PCDHGB5: variants seen among roughly 807,000 people sequenced by gnomAD.
The protein encoded by PCDHGB5 is protocadherin gamma-B5.
Under a neutral mutation model 62.9 loss-of-function variants are expected in PCDHGB5, and 48 were observed. The ratio of observed to expected loss-of-function variants is 0.76; its 90% CI spans 0.61 to 0.97. The LOEUF (loss-of-function observed/expected upper bound fraction) is 0.97. Among genes scored for constraint, PCDHGB5 ranks in the 50% least tolerant of loss-of-function variants. The pLI is 0.00. For missense variants in PCDHGB5, 1,118 were observed against 1,198.6 expected (o/e 0.93, Z 0.99); for synonymous variants, 474 against 511.2 (o/e 0.93, Z 0.98).
chr5:141,456,973 A>G (rs1276476368), intron 1 of PCDHGB5, among the ~76,000 whole-genome samples: 2 of 147,412 alleles, frequency 1.4e-5, no homozygotes, highest in Admixed American at 6.7e-5. Flanking sequence ...AAAACAAAAC[A>G]AACAAACAAA....
chr5:141,443,999 T>C (rs2098413024), intron 1 of PCDHGB5, among the ~76,000 whole-genome samples: 1 of 152,136 alleles, frequency 6.6e-6, no homozygotes, highest in Non-Finnish European at 1.5e-5. Context: ...TTTTAAATGC[T>C]ACCTGGGTAT....
chr5:141,468,832 C>G (rs530307522), intron 1 of PCDHGB5, among the ~76,000 whole-genome samples: 1 of 152,164 alleles, frequency 6.6e-6, no homozygotes, highest in South Asian at 2.1e-4. Flanking sequence ...AGCCACTGCA[C>G]TCCAGCCTGG....
intron 1 of PCDHGB5, among the ~76,000 whole-genome samples, chr5:141,402,590 A>G (rs1379327637): frequency 6.6e-6 from 1 of 152,238 alleles, no homozygotes; most frequent in Admixed American, 6.5e-5. Flanking sequence ...TAAAAAATAG[A>G]TTGCTTTTGA....
chr5:141,461,902 C>A (rs1477274695), intron 1 of PCDHGB5, among the ~76,000 whole-genome samples: 1 of 152,116 alleles, frequency 6.6e-6, no homozygotes, highest in African/African-American at 2.4e-5. Flanking sequence ...CGGCTCACTG[C>A]AACCTCTGCC....
At chr5:141,480,591 T>G (rs557048485) in intron 1 of PCDHGB5, among the ~76,000 whole-genome samples, 1 of 138,080 alleles carries the variant, frequency 7.2e-6, no homozygotes, top group South Asian at 2.2e-4. Flanking sequence ...GCCGCTCTTC[T>G]GGTCAGCCTG....
chr5:141,419,137 C>G, intron 1 of PCDHGB5: 2 of 1,613,892 alleles, frequency 1.2e-6, no homozygotes, highest in Non-Finnish European at 1.7e-6. Context: ...CAGCCACAGA[C>G]AGGGGCAAGC....
rs1332743231 is a variant in PCDHGB5 at position 141,432,967 on chromosome 5, G to A, written c.2397+32443G>A. 4 of 1,614,192 alleles carry A rather than the reference G, an allele frequency of 2.5e-6. No homozygotes were observed. In the East Asian group the frequency reaches 6.7e-5, roughly 27 times the overall value. On this transcript the variant is annotated intron_variant, in intron 1 of 3. Coordinates refer to ENST00000617380, the MANE Select transcript of PCDHGB5 (RefSeq NM_018925.3). The surrounding 1 kb of genome is among the most constrained non-coding windows in gnomAD (Gnocchi z 6.0). The stretch of plus-strand genomic sequence containing the variant: ...CAGGAGGCGGCTTGACAGGAGCGCC[G>A]GCGTCGCACTTTGTGGGCGTGGACG...
chr5:141,486,089 G>T lies in PCDHGB5; in HGVS notation c.2398-8718G>T, dbSNP rs2099624123. On this transcript the variant is annotated intron_variant, in intron 1 of 3. Coordinates refer to ENST00000617380, the MANE Select transcript of PCDHGB5 (RefSeq NM_018925.3). The surrounding 1 kb of genome is among the most constrained non-coding windows in gnomAD (Gnocchi z 5.0). ...CACTACTGGAAAGCTTACTCTTTTG[G>T]GGCCCCTAGACTTTGAGAGTGAGAA... is the stretch of plus-strand genomic sequence containing the variant. 1 of 1,614,084 alleles carries T rather than the reference G, an allele frequency of 6.2e-7. No individual in the cohort carries two copies. The highest frequency in any genetic ancestry group is 8.5e-7 in the Non-Finnish European group (1 of 1,180,014).
chr5:141,424,061 CTGATT>C, intron 1 of PCDHGB5: 1 of 1,003,194 alleles, frequency 1.0e-6, no homozygotes, highest in Non-Finnish European at 1.2e-6. Flanking sequence ...TGTGCCTTCA[CTGATT>C]TGTAGTTATA....
At chr5:141,433,195 T>C (rs765385329) in intron 1 of PCDHGB5, 8 of 1,582,476 alleles carry the variant, frequency 5.1e-6, no homozygotes, top group Non-Finnish European at 6.9e-6. Flanking sequence ...TGAGTTTATA[T>C]CAAATCTTCT....
chr5:141,408,510 A>G (rs1298660421), intron 1 of PCDHGB5: 21 of 1,613,870 alleles, frequency 1.3e-5, no homozygotes, highest in Non-Finnish European at 1.8e-5. Context: ...AGAAGATGTG[A>G]GTTGCAATTG....
At position 141,431,965 on chromosome 5, in the gene PCDHGB5, T is replaced by G. The variant is rs765281339; in HGVS notation, c.2397+31441T>G. ...TAGAAAAATCTTACGGAAATTACTATAGTTTAGTCACAGACATAGTCTTGG... is the reference window on the plus strand; with the variant it reads ...TAGAAAAATCTTACGGAAATTACTAGAGTTTAGTCACAGACATAGTCTTGG... On this transcript the variant is annotated intron_variant, in intron 1 of 3. Coordinates refer to ENST00000617380, the MANE Select transcript of PCDHGB5 (RefSeq NM_018925.3). This position sits in a 1 kb window ranked among gnomAD's most constrained non-coding sequence, Gnocchi z 4.8. The G allele has an allele frequency of 1.2e-6, 2 of 1,614,216 alleles. No individual in the cohort carries two copies. Among genetic ancestry groups the G allele is most frequent in the East Asian group, 4.5e-5 (2 of 44,892 alleles).
Position 141,490,920 on chromosome 5 carries a change from T to A in PCDHGB5, c.2398-3887T>A. 1.2e-6 allele frequency: 2 copies of A among 1,613,638 alleles called. No homozygotes were observed. The highest frequency in any genetic ancestry group is 1.7e-6 in the Non-Finnish European group (2 of 1,179,684). The stretch of plus-strand genomic sequence containing the variant: ...TGTTTGTCCTAGACGAGAATGATAA[T>A]GCCCCAGCTGTGCTGCACCCACGGC... On this transcript the variant is annotated intron_variant, in intron 1 of 3. Coordinates refer to ENST00000617380, the MANE Select transcript of PCDHGB5 (RefSeq NM_018925.3). This position sits in a 1 kb window ranked among gnomAD's most constrained non-coding sequence, Gnocchi z 5.4.
intron 1 of PCDHGB5, chr5:141,404,948 G>A (rs756928954): frequency 3.1e-6 from 5 of 1,613,838 alleles, no homozygotes; most frequent in African/African-American, 1.3e-5. Flanking sequence ...AGCCATAGCT[G>A]ACAGCATCCC....
chr5:141,491,441 A>G lies in PCDHGB5; in HGVS notation c.2398-3366A>G, dbSNP rs776616506. 1.2e-6 allele frequency: 2 copies of G among 1,614,146 alleles called. No homozygotes were observed. The highest frequency in any genetic ancestry group is 1.7e-6 in the Non-Finnish European group (2 of 1,180,032). ...GGTGGAGGGCAGTGCTGCAGGCGCCAGGACTCACCCTCCCCGGACTTCTAT... is the reference window on the plus strand; with the variant it reads ...GGTGGAGGGCAGTGCTGCAGGCGCCGGGACTCACCCTCCCCGGACTTCTAT... On this transcript the variant is annotated intron_variant, in intron 1 of 3. Coordinates refer to ENST00000617380, the MANE Select transcript of PCDHGB5 (RefSeq NM_018925.3). The surrounding 1 kb of genome is among the most constrained non-coding windows in gnomAD (Gnocchi z 6.9).
intron 1 of PCDHGB5, among the ~76,000 whole-genome samples, chr5:141,446,473 G>C (rs558209769): frequency 2.0e-4 from 29 of 148,138 alleles, no homozygotes; most frequent in Non-Finnish European, 1.5e-4. Context: ...TAGACATATG[G>C]TCATCATTCT....
In PCDHGB5 at chr5:141,432,704, C is replaced by T; in HGVS notation, c.2397+32180C>T. ...GAGCCTCGTAGTGGCCGTCCAGGAC[C>T]ACGGCCAGCCCCCTCTCTCCGCCAC... is the stretch of plus-strand genomic sequence containing the variant. On this transcript the variant is annotated intron_variant, in intron 1 of 3. Coordinates refer to ENST00000617380, the MANE Select transcript of PCDHGB5 (RefSeq NM_018925.3). The surrounding 1 kb of genome is among the most constrained non-coding windows in gnomAD (Gnocchi z 6.0). The T allele has an allele frequency of 6.2e-7, 1 of 1,613,966 alleles. No homozygotes were observed. The highest frequency in any genetic ancestry group is 8.5e-7 in the Non-Finnish European group (1 of 1,179,976).
At chr5:141,474,133 C>T (rs35162249) in intron 1 of PCDHGB5, among the ~76,000 whole-genome samples, 9,247 of 152,260 alleles carry the variant, frequency 0.061, 334 homozygotes, top group South Asian at 0.12. Flanking sequence ...CAGAAAACTA[C>T]AGGCCTTATT....
chr5:141,482,350 G>A lies in PCDHGB5; in HGVS notation c.2398-12457G>A, dbSNP rs184055854. ...AGAATATCTACTTTGCAAACTTGTT[G>A]TGAGAGTGAAAAGTAATGCATATAA... On this transcript the variant is annotated intron_variant, in intron 1 of 3. Coordinates refer to ENST00000617380, the MANE Select transcript of PCDHGB5 (RefSeq NM_018925.3). Among the ~76,000 whole-genome samples the A allele has an allele frequency of 5.3e-5, 8 of 152,200 alleles. No individual in the cohort carries two copies. In the East Asian group the frequency reaches 1.4e-3, roughly 26 times the overall value.
Sources: gnomAD v4.1 joint callset for allele counts (sites outside exome capture counted in the v4.1 genomes callset) on GRCh38, gnomAD v4.1.1 for gene constraint, Gnocchi (gnomAD v3.1) non-coding constraint, MANE v1.5 for transcripts, NCBI Gene and HGNC (gene_info 2026-07-23, HGNC 2026-07-21) for gene names.